The following PHLPP1 variants were observed in gnomAD, a reference collection of about 807,000 sequenced individuals.
PHLPP1 encodes the protein PH domain and leucine rich repeat protein phosphatase 1, also known as PH domain leucine-rich repeat-containing protein phosphatase 1.
A neutral mutation model predicts 117.2 loss-of-function variants in PHLPP1; 42 were observed. The ratio of observed to expected loss-of-function variants is 0.36; its 90% CI spans 0.28 to 0.46. The LOEUF (loss-of-function observed/expected upper bound fraction) is 0.46. Ranked by LOEUF, PHLPP1 falls within the 20% of genes least tolerant of loss-of-function variation. The pLI, the probability that PHLPP1 is intolerant of heterozygous loss-of-function variation, is 1.00. For synonymous variants in PHLPP1, 1,042 were observed against 970.7 expected, an observed-to-expected ratio of 1.07 and a Z score of -1.37; for missense variants, 2,084 against 2,241.9, an observed-to-expected ratio of 0.93 and a Z score of 1.42.
At chr18:62,843,625 T>C (rs555688884) in intron 3 of PHLPP1, among the ~76,000 whole-genome samples, 1 of 152,300 alleles carries the variant, frequency 6.6e-6, no homozygotes, top group African/African-American at 2.4e-5. Flanking sequence ...GAGAGCTCTT[T>C]TGGGAGGATT....
At chr18:62,905,357 A>G (rs1203995797) in intron 8 of PHLPP1, 73 bp downstream of exon 8, 9 of 707,616 alleles carry the variant, frequency 1.3e-5, no homozygotes, top group Non-Finnish European at 1.9e-5. Context: ...GAGCTTATGC[A>G]CAAGTACTTT....
At position 62,715,934 on chromosome 18, in the gene PHLPP1, C is replaced by T. The variant is rs948962744; in HGVS notation, c.251C>T (p.Pro84Leu). 7.2e-6 allele frequency: 8 copies of T among 1,115,210 alleles called. No individual in the cohort carries two copies. The South Asian group carries it at 2.2e-4, about 30-fold the overall frequency. The allele number at this position is 1,115,210 out of a possible 1,614,324, so 69.1% of individuals were successfully genotyped here. ...APGEAPPGPL[P>L]GRAGGAGRRR... ...GGCGAGGCGCCGCCGGGGCCGCTGCCGGGCAGAGCGGGGGGTGCCGGGCGC... is the reference window on the plus strand; with the variant it reads ...GGCGAGGCGCCGCCGGGGCCGCTGCTGGGCAGAGCGGGGGGTGCCGGGCGC... Residue 84 changes from proline to leucine, a missense_variant, in exon 1 of 17, where the codon CCG (proline) becomes CTG (leucine). Physicochemically the swap from Pro to Leu is moderately conservative, Grantham distance 98 (BLOSUM62 -3). Around this residue, in one of 2 missense-constraint regions of PHLPP1, gnomAD observed 719 missense variants for 636.0 expected, o/e 1.13. Coordinates refer to ENST00000262719, the MANE Select transcript of PHLPP1 (RefSeq NM_194449.4).
intron 12 of PHLPP1, among the ~76,000 whole-genome samples, chr18:62,955,283 G>T (rs1045062708): frequency 5.3e-5 from 8 of 152,208 alleles, no homozygotes; most frequent in Non-Finnish European, 8.8e-5. Context: ...CAAAGTTGGG[G>T]ATGCCTTGTT....
At chr18:62,972,841 G>A in intron 15 of PHLPP1, 133 bp downstream of exon 15, 6 of 683,876 alleles carry the variant, frequency 8.8e-6, no homozygotes, top group South Asian at 7.7e-5. Context: ...GATGCATTCA[G>A]GCAAGTTTGG....
chr18:62,783,843 C>T (rs1461426741), intron 1 of PHLPP1, among the ~76,000 whole-genome samples: 2 of 152,110 alleles, frequency 1.3e-5, no homozygotes, highest in South Asian at 2.1e-4. Flanking sequence ...AAAAGCAATA[C>T]GGAATTTATA....
intron 4 of PHLPP1, among the ~76,000 whole-genome samples, chr18:62,873,446 A>G (rs1180527554): frequency 6.6e-6 from 1 of 152,250 alleles, no homozygotes; most frequent in Non-Finnish European, 1.5e-5. Flanking sequence ...AAATTATAAA[A>G]TAACTACTTC....
chr18:62,938,334 C>T (rs1313622473), intron 10 of PHLPP1, among the ~76,000 whole-genome samples: 1 of 152,086 alleles, frequency 6.6e-6, no homozygotes, highest in Non-Finnish European at 1.5e-5. Flanking sequence ...GTTCTGGAGC[C>T]TATTTATTTA....
intron 1 of PHLPP1, among the ~76,000 whole-genome samples, chr18:62,744,255 G>A (rs1236454428): frequency 1.3e-5 from 2 of 152,270 alleles, no homozygotes; most frequent in African/African-American, 2.4e-5. Context: ...CCTGGTGCGA[G>A]CACACTCCTC....
At chr18:62,753,949 G>A (rs1911935461) in intron 1 of PHLPP1, among the ~76,000 whole-genome samples, 1 of 152,162 alleles carries the variant, frequency 6.6e-6, no homozygotes, top group East Asian at 1.9e-4. Flanking sequence ...AGTTGGGTTG[G>A]TTATTTTCTT....
At position 62,715,733 on chromosome 18, in the gene PHLPP1, G is replaced by A. The variant is rs1172582018; in HGVS notation, c.50G>A (p.Arg17Lys). 2 of 1,242,828 alleles carry A rather than the reference G, an allele frequency of 1.6e-6. No individual in the cohort carries two copies. Among genetic ancestry groups the A allele is most frequent in the East Asian group, 3.2e-5 (1 of 30,810 alleles). 77.0% of individuals were successfully genotyped at this position (1,242,828 alleles called of 1,614,324 possible). A position where few individuals can be genotyped will look rare whatever the true frequency, so the allele number is the denominator to read the frequency against. Residue 17 changes from arginine to lysine, a missense_variant, in exon 1 of 17, where the codon AGG (arginine) becomes AAG (lysine). Around this residue, in one of 2 missense-constraint regions of PHLPP1, gnomAD observed 719 missense variants for 636.0 expected, o/e 1.13. Coordinates refer to ENST00000262719, the MANE Select transcript of PHLPP1 (RefSeq NM_194449.4). ...ATVQRLPELGREDRASAPAAA... is the reference protein window; with the variant it reads ...ATVQRLPELGKEDRASAPAAA... ...GTACAGCGACTCCCCGAGCTCGGCA[G>A]GGAGGACCGAGCTTCGGCTCCGGCG...
intron 4 of PHLPP1, among the ~76,000 whole-genome samples, chr18:62,875,203 C>T (rs541625890): frequency 6.6e-6 from 1 of 152,254 alleles, no homozygotes; most frequent in East Asian, 1.9e-4. Context: ...ATCTGCCCAC[C>T]TCGGCCTCCT....
intron 1 of PHLPP1, among the ~76,000 whole-genome samples, chr18:62,729,196 G>A (rs958656952): frequency 6.6e-6 from 1 of 152,178 alleles, no homozygotes; most frequent in East Asian, 1.9e-4. Flanking sequence ...CCAATTCTTA[G>A]TTATTATATA....
intron 10 of PHLPP1, among the ~76,000 whole-genome samples, chr18:62,924,490 T>G (rs1255255975): frequency 6.6e-6 from 1 of 151,850 alleles, no homozygotes; most frequent in African/African-American, 2.4e-5. Flanking sequence ...TGCTCTGAAT[T>G]TTGCCTGCTA....
chr18:62,866,582 C>T (rs1387720815), intron 4 of PHLPP1, among the ~76,000 whole-genome samples: 1 of 152,028 alleles, frequency 6.6e-6, no homozygotes, highest in Non-Finnish European at 1.5e-5. Flanking sequence ...ATAGTTAATG[C>T]CGATGAATGT....
chr18:62,766,080 T>TATATATATATATATATATATA (rs1912499430), intron 1 of PHLPP1, among the ~76,000 whole-genome samples: 1 of 36,400 alleles, frequency 2.7e-5, no homozygotes, highest in Admixed American at 2.9e-4. Context: ...AAAAAAAATA[T>TATATATATATATATATATATA]ATATATATAT....
At chr18:62,747,631 C>G (rs58461135) in intron 1 of PHLPP1, among the ~76,000 whole-genome samples, 7 of 152,122 alleles carry the variant, frequency 4.6e-5, no homozygotes, top group Non-Finnish European at 7.4e-5. Context: ...ATTCTCCCAC[C>G]TCAGCCTCCT....
intron 1 of PHLPP1, among the ~76,000 whole-genome samples, chr18:62,791,972 A>C (rs1284697806): frequency 1.3e-5 from 2 of 151,016 alleles, no homozygotes; most frequent in African/African-American, 4.9e-5. Flanking sequence ...TCCTGGAGAC[A>C]TTTTCTCTCT....
intron 1 of PHLPP1, among the ~76,000 whole-genome samples, chr18:62,781,213 G>C (rs1913109592): frequency 6.6e-6 from 1 of 152,036 alleles, no homozygotes; most frequent in Admixed American, 6.6e-5. Context: ...AATTAGATAA[G>C]GTATATAAAG....
At chr18:62,864,646 T>C (rs983707244) in intron 4 of PHLPP1, among the ~76,000 whole-genome samples, 1 of 152,194 alleles carries the variant, frequency 6.6e-6, no homozygotes, top group African/African-American at 2.4e-5. Flanking sequence ...ATAAGTAAAA[T>C]TATCCCAAGT....
Sources: gnomAD v4.1 joint callset for allele counts (sites outside exome capture counted in the v4.1 genomes callset) on GRCh38, gnomAD v4.1.1 for gene constraint, gnomAD v4.1.1 regional missense constraint, MANE v1.5 for transcripts, NCBI Gene and HGNC (gene_info 2026-07-23, HGNC 2026-07-21) for gene names.